HPSE2: variants seen among roughly 807,000 people sequenced by gnomAD.
HPSE2 encodes the protein heparanase 2 (inactive).
A neutral mutation model predicts 60.5 loss-of-function variants in HPSE2; 38 were observed. The observed-to-expected ratio is 0.63, with a 90% CI of 0.48 to 0.82. The LOEUF is 0.82. HPSE2 is among the 40% of genes least tolerant of loss of function. The probability of loss-of-function intolerance (pLI) is 0.00; values close to 1 mark genes in which losing one functional copy is unlikely to be tolerated. For synonymous variants in HPSE2, 295 were observed against 293.2 expected, an observed-to-expected ratio of 1.01 and a Z score of -0.06; for missense variants, 713 against 740.4, an observed-to-expected ratio of 0.96 and a Z score of 0.43.
intron 3 of HPSE2, among the ~76,000 whole-genome samples, chr10:98,994,609 G>T (rs1032807443): frequency 6.6e-6 from 1 of 152,180 alleles, no homozygotes; most frequent in Admixed American, 6.5e-5. Flanking sequence ...GTCTCTCCTT[G>T]GCCAGACAGT....
chr10:98,843,016 G>A (rs541883223), intron 3 of HPSE2, among the ~76,000 whole-genome samples: 1 of 152,070 alleles, frequency 6.6e-6, no homozygotes, highest in East Asian at 1.9e-4. Context: ...TCTTTTCGTG[G>A]CTTGATAGCT....
chr10:98,546,943 C>G (rs1010843185), intron 9 of HPSE2, among the ~76,000 whole-genome samples: 5 of 148,660 alleles, frequency 3.4e-5, no homozygotes, highest in African/African-American at 1.2e-4. Flanking sequence ...ACAATGAACT[C>G]AAACAAATTT....
At chr10:98,777,013 C>T (rs1221279689) in intron 3 of HPSE2, among the ~76,000 whole-genome samples, 1 of 152,092 alleles carries the variant, frequency 6.6e-6, no homozygotes, top group Non-Finnish European at 1.5e-5. Flanking sequence ...TTAATTTAGT[C>T]TTTCAACTTT....
At chr10:99,056,947 G>A (rs1250839949) in intron 3 of HPSE2, among the ~76,000 whole-genome samples, 1 of 152,120 alleles carries the variant, frequency 6.6e-6, no homozygotes, top group Non-Finnish European at 1.5e-5. Context: ...AAGTAGATGA[G>A]TATTGAGAAC....
At chr10:99,071,521 A>C (rs1184002704) in intron 3 of HPSE2, among the ~76,000 whole-genome samples, 2 of 152,204 alleles carry the variant, frequency 1.3e-5, no homozygotes, top group South Asian at 2.1e-4. Flanking sequence ...ATCCTAACAG[A>C]TATGAAGTGA....
intron 3 of HPSE2, among the ~76,000 whole-genome samples, chr10:99,079,908 G>C (rs925768020): frequency 9.2e-5 from 14 of 152,266 alleles, no homozygotes; most frequent in African/African-American, 3.1e-4. Context: ...AAAAGTTGGA[G>C]TATTAGATAC....
At chr10:98,922,710 G>C (rs1954318416) in intron 3 of HPSE2, among the ~76,000 whole-genome samples, 1 of 152,160 alleles carries the variant, frequency 6.6e-6, no homozygotes, top group East Asian at 1.9e-4. Context: ...AGTATGGCCA[G>C]CAGCAGAGAC....
intron 3 of HPSE2, among the ~76,000 whole-genome samples, chr10:98,773,471 G>C (rs908411602): frequency 6.6e-6 from 1 of 152,144 alleles, no homozygotes; most frequent in African/African-American, 2.4e-5. Flanking sequence ...ATTCCCTGCT[G>C]TAAACTCCAA....
intron 3 of HPSE2, among the ~76,000 whole-genome samples, chr10:98,838,528 G>A (rs541505274): frequency 6.7e-6 from 1 of 148,288 alleles, no homozygotes; most frequent in South Asian, 2.1e-4. Flanking sequence ...GGGCTCAATT[G>A]ATCCCCCTGC....
chr10:98,635,728 G>C (rs763200317), intron 7 of HPSE2, among the ~76,000 whole-genome samples: 4 of 149,168 alleles, frequency 2.7e-5, no homozygotes, highest in Non-Finnish European at 3.0e-5. Context: ...GCTGCAGTGA[G>C]CTATAATTGC....
chr10:98,711,535 G>C (rs10883173), intron 5 of HPSE2, among the ~76,000 whole-genome samples: 27,090 of 152,096 alleles, frequency 0.18, 2,763 homozygotes, highest in African/African-American at 0.26. Flanking sequence ...TGGCTCCACA[G>C]TTCATTAGCC....
Position 98,459,667 on chromosome 10 carries a change from G to C in HPSE2, c.1686C>G (p.Pro562=), listed in dbSNP as rs765695842. The change falls in exon 12 of 12, where the codon CCC becomes CCG. Residue 562 remains proline (P), a synonymous_variant. Coordinates refer to ENST00000370552, the MANE Select transcript of HPSE2 (RefSeq NM_021828.5). ...DGTLPELKPR[P]LRAGRTLVIP... The stretch of plus-strand genomic sequence containing the variant: ...TGACCAATGTCCGGCCGGCCCGAAG[G>C]GGGCGGGGCTTCAATTCTGGGAGGG... The C allele has an allele frequency of 6.2e-7, 1 of 1,614,020 alleles. No individual in the cohort carries two copies. The highest frequency in any genetic ancestry group is 1.7e-5 in the Admixed American group (1 of 60,008).
chr10:99,024,490 G>A (rs1455585249), intron 3 of HPSE2, among the ~76,000 whole-genome samples: 2 of 152,166 alleles, frequency 1.3e-5, no homozygotes, highest in Non-Finnish European at 2.9e-5. Flanking sequence ...GAAGTGATAG[G>A]GGTAGGAAGT....
chr10:99,087,451 G>A (rs972270149), intron 3 of HPSE2, among the ~76,000 whole-genome samples: 58 of 152,316 alleles, frequency 3.8e-4, no homozygotes, highest in African/African-American at 1.2e-3. Flanking sequence ...TTCTGGGTGC[G>A]CATCTAAGGC....
intron 5 of HPSE2, among the ~76,000 whole-genome samples, chr10:98,715,364 C>T (rs10883175): frequency 0.18 from 28,069 of 151,872 alleles, 3,017 homozygotes; most frequent in East Asian, 0.38. Context: ...TCCATAAATA[C>T]CATATATTTC....
chr10:98,577,864 ATT>A (rs1010587480), intron 9 of HPSE2, among the ~76,000 whole-genome samples: 1 of 152,024 alleles, frequency 6.6e-6, no homozygotes, highest in African/African-American at 2.4e-5. Flanking sequence ...TTTCTTTTTC[ATT>A]TCATTTATTT....
At chr10:98,586,137 G>C (rs1204563065) in intron 9 of HPSE2, among the ~76,000 whole-genome samples, 1 of 152,050 alleles carries the variant, frequency 6.6e-6, no homozygotes, top group Non-Finnish European at 1.5e-5. Flanking sequence ...ATCTCTATTA[G>C]GAAATTGTAA....
chr10:99,128,992 A>T (rs893026776), intron 3 of HPSE2, among the ~76,000 whole-genome samples: 2 of 152,234 alleles, frequency 1.3e-5, no homozygotes, highest in Non-Finnish European at 2.9e-5. Context: ...AGTGAACAGG[A>T]GTAGCTACTC....
chr10:98,550,468 T>C (rs1943827575), intron 9 of HPSE2, among the ~76,000 whole-genome samples: 1 of 137,074 alleles, frequency 7.3e-6, no homozygotes, highest in African/African-American at 3.2e-5. Context: ...TAATTCTTTC[T>C]TAAATTTTTT....
Sources: allele counts gnomAD v4.1 joint callset (sites outside exome capture counted in the v4.1 genomes callset), GRCh38; gene constraint gnomAD v4.1.1; transcripts MANE v1.5; gene names NCBI Gene and HGNC (gene_info 2026-07-23, HGNC 2026-07-21).